The following EPHA3 variants were observed in gnomAD, a reference collection of about 807,000 sequenced individuals.
EPHA3 encodes the protein ephrin type-A receptor 3.
Under a neutral mutation model 107.1 loss-of-function variants are expected in EPHA3, and 42 were observed. That is an observed-to-expected ratio of 0.39 (90% CI 0.31 to 0.51). The LOEUF (loss-of-function observed/expected upper bound fraction) is 0.51, where lower values mean the gene tolerates loss of function less well. Ranked by LOEUF, EPHA3 falls within the 20% of genes least tolerant of loss-of-function variation. EPHA3 has a pLI of 0.78. For missense variants in EPHA3, 1,183 were observed against 1,211.2 expected (o/e 0.98, Z 0.35); for synonymous variants, 461 against 424.8 (o/e 1.09, Z -1.05).
rs999960053 is a variant in EPHA3, at chr3:89,355,444, T to C, written c.1306+13354T>C. Among the ~76,000 whole-genome samples, 3 of 151,348 alleles carry C rather than the reference T, an allele frequency of 2.0e-5. 1 individual carries two copies. The highest frequency in any genetic ancestry group is 4.4e-5 in the Non-Finnish European group (3 of 67,626). ...GCAAATATGCCTTGGGAAAAAAAGG[T>C]ATTTGAAAAACAAAGTGGAACAGGA... On this transcript the variant is annotated intron_variant, in intron 5 of 16. Transcript: ENST00000336596.
chr3:89,415,113 G>A (rs1337256155), intron 10 of EPHA3, among the ~76,000 whole-genome samples: 2 of 151,100 alleles, frequency 1.3e-5, no homozygotes, highest in South Asian at 2.1e-4. Flanking sequence ...CCTTTCAGAG[G>A]GTTTGTATTT....
intron 3 of EPHA3, among the ~76,000 whole-genome samples, chr3:89,223,248 T>C (rs1291801650): frequency 6.6e-6 from 1 of 152,156 alleles, no homozygotes; most frequent in South Asian, 2.1e-4. Flanking sequence ...GGTGGCATCA[T>C]GGTGTTCTAT....
chr3:89,232,653 C>T (rs1163462143), intron 3 of EPHA3, among the ~76,000 whole-genome samples: 1 of 152,150 alleles, frequency 6.6e-6, no homozygotes, highest in Non-Finnish European at 1.5e-5. Context: ...AATGCCACTT[C>T]TTAATTTTAT....
chr3:89,429,224 A>G, intron 12 of EPHA3, 57 bp downstream of exon 12: 1 of 1,343,314 alleles, frequency 7.4e-7, no homozygotes, highest in South Asian at 1.3e-5. Context: ...AACATTAGAG[A>G]CACCCTCCAA....
chr3:89,421,011 G>T (rs1440572477), intron 11 of EPHA3, among the ~76,000 whole-genome samples: 3 of 151,346 alleles, frequency 2.0e-5, no homozygotes, highest in South Asian at 2.1e-4. Context: ...ACTAGAAAAT[G>T]CTAGAGGTAG....
chr3:89,349,716 G>T (rs1453282914), intron 5 of EPHA3, among the ~76,000 whole-genome samples: 11 of 149,254 alleles, frequency 7.4e-5, no homozygotes, highest in African/African-American at 2.0e-4. Context: ...TAGTCTCGAT[G>T]GTCTTTACAT....
intron 10 of EPHA3, among the ~76,000 whole-genome samples, chr3:89,417,804 C>T (rs556327545): frequency 1.3e-5 from 2 of 151,492 alleles, no homozygotes; most frequent in African/African-American, 4.8e-5. Context: ...ATACTGTATG[C>T]AATACAGTTG....
chr3:89,317,309 T>G (rs1706931934), intron 3 of EPHA3, among the ~76,000 whole-genome samples: 1 of 151,808 alleles, frequency 6.6e-6, no homozygotes, highest in African/African-American at 2.4e-5. Flanking sequence ...ACTTTTCCTA[T>G]TGATGTGGAG....
At chr3:89,445,695 A>G (rs1289174961) in intron 13 of EPHA3, among the ~76,000 whole-genome samples, 2 of 152,232 alleles carry the variant, frequency 1.3e-5, no homozygotes, top group African/African-American at 2.4e-5. Context: ...CCCTTGATAT[A>G]GTTAAGAGAC....
intron 3 of EPHA3, among the ~76,000 whole-genome samples, chr3:89,283,648 A>G (rs887645512): frequency 6.6e-6 from 1 of 152,118 alleles, no homozygotes; most frequent in African/African-American, 2.4e-5. Context: ...TAGGTCAAAA[A>G]GAGAACCCAC....
chr3:89,330,577 A>C (rs1217161690), intron 3 of EPHA3, among the ~76,000 whole-genome samples: 3 of 152,156 alleles, frequency 2.0e-5, no homozygotes, highest in Non-Finnish European at 4.4e-5. Context: ...ATGTATGTTA[A>C]TTTAAAATAA....
At chr3:89,237,569 A>G (rs1275824186) in intron 3 of EPHA3, among the ~76,000 whole-genome samples, 2 of 152,296 alleles carry the variant, frequency 1.3e-5, no homozygotes, top group Middle Eastern at 3.4e-3. Flanking sequence ...ACTGACTTGT[A>G]TAAAAAGTTA....
intron 2 of EPHA3, among the ~76,000 whole-genome samples, chr3:89,149,595 T>C (rs1346803849): frequency 4.0e-5 from 6 of 151,824 alleles, no homozygotes; most frequent in South Asian, 4.2e-4. Flanking sequence ...TAACTCATCA[T>C]TTAACATTAG....
At chr3:89,283,343 T>C (rs1385616170) in intron 3 of EPHA3, among the ~76,000 whole-genome samples, 2 of 152,050 alleles carry the variant, frequency 1.3e-5, no homozygotes, top group African/African-American at 2.4e-5. Context: ...CTGACATTTA[T>C]CTGGTGGGGG....
At chr3:89,306,640 C>A (rs1277763827) in intron 3 of EPHA3, among the ~76,000 whole-genome samples, 1 of 152,180 alleles carries the variant, frequency 6.6e-6, no homozygotes, top group African/African-American at 2.4e-5. Flanking sequence ...AGCTCTGATA[C>A]ATTACCAGAC....
chr3:89,456,026 C>T (rs1213307280), intron 15 of EPHA3, among the ~76,000 whole-genome samples: 1 of 152,156 alleles, frequency 6.6e-6, no homozygotes, highest in Admixed American at 6.5e-5. Context: ...CTGTAAATGT[C>T]TCCTAAATAC....
chr3:89,209,430 A>C (rs966364988), intron 2 of EPHA3, among the ~76,000 whole-genome samples: 1 of 152,154 alleles, frequency 6.6e-6, no homozygotes, highest in African/African-American at 2.4e-5. Context: ...CCTTATATCA[A>C]TTTTACCAAA....
In EPHA3 at chr3:89,298,134, C is replaced by T. The variant is rs115035537; in HGVS notation, c.815-42782C>T. On this transcript the variant is annotated intron_variant, in intron 3 of 16. Coordinates refer to ENST00000336596, the MANE Select transcript of EPHA3 (RefSeq NM_005233.6). Reference sequence around the variant, plus strand: ...GGTGGGAACAAGCATTTTTCCATGTCATGTGCGAGCACCAAATCCCATGCC... The same window carrying T: ...GGTGGGAACAAGCATTTTTCCATGTTATGTGCGAGCACCAAATCCCATGCC... Among the ~76,000 whole-genome samples the T allele has an allele frequency of 8.5e-4, 129 of 152,280 alleles. 1 individual carries two copies. The highest frequency in any genetic ancestry group is 2.7e-3 in the African/African-American group (114 of 41,558).
chr3:89,425,715 A>G (rs1709441721), intron 11 of EPHA3, among the ~76,000 whole-genome samples: 1 of 151,572 alleles, frequency 6.6e-6, no homozygotes, highest in Non-Finnish European at 1.5e-5. Flanking sequence ...CTGACTATAT[A>G]TGTATATATA....
Sources: gnomAD v4.1 joint callset for allele counts (sites outside exome capture counted in the v4.1 genomes callset) on GRCh38, gnomAD v4.1.1 for gene constraint, MANE v1.5 for transcripts, NCBI Gene and HGNC (gene_info 2026-07-23, HGNC 2026-07-21) for gene names.